RCC1: variants seen among roughly 807,000 people sequenced by gnomAD.
RCC1 encodes regulator of chromosome condensation.
RCC1 carries 11 observed loss-of-function variants against 44.4 expected under a neutral mutation model. The ratio of observed to expected loss-of-function variants is 0.25; its 90% CI spans 0.16 to 0.41. RCC1 has a LOEUF of 0.41. Ranked by LOEUF, RCC1 falls within the 10% of genes least tolerant of loss-of-function variation. RCC1 has a pLI of 1.00. For synonymous variants in RCC1, 213 were observed against 216.5 expected, an observed-to-expected ratio of 0.98 and a Z score of 0.14; for missense variants, 386 against 547.1, an observed-to-expected ratio of 0.71 and a Z score of 2.94.
intron 3 of RCC1, among the ~76,000 whole-genome samples, chr1:28,515,815 G>C (rs904451924): frequency 6.6e-6 from 1 of 152,184 alleles, no homozygotes; most frequent in Non-Finnish European, 1.5e-5. Context: ...GGGAGGCCAA[G>C]ATGGGCAGGT....
At chr1:28,509,183 GC>G in intron 3 of RCC1, 1 of 303,456 alleles carries the variant, frequency 3.3e-6, no homozygotes, top group Non-Finnish European at 6.4e-6. Flanking sequence ...TTGGCATTTA[GC>G]TAGGAATGCA....
At chr1:28,514,686 G>A (rs1445437032) in intron 3 of RCC1, among the ~76,000 whole-genome samples, 5 of 150,902 alleles carry the variant, frequency 3.3e-5, no homozygotes, top group Non-Finnish European at 7.4e-5. Flanking sequence ...GCTTGAACCT[G>A]GGAGGCAGAG....
At chr1:28,511,205 C>A (rs74064871) in intron 3 of RCC1, among the ~76,000 whole-genome samples, 123 of 152,208 alleles carry the variant, frequency 8.1e-4, no homozygotes, top group African/African-American at 2.9e-3. Flanking sequence ...AGTTACTCAG[C>A]CCCTCTGCCT....
chr1:28,531,462 G>A (rs1317715834), intron 5 of RCC1, among the ~76,000 whole-genome samples: 2 of 151,630 alleles, frequency 1.3e-5, no homozygotes, highest in Non-Finnish European at 2.9e-5. Flanking sequence ...TGATCCGCCC[G>A]CCTTGGCCTC....
chr1:28,507,679 T>A, intron 1 of RCC1: 1 of 379,800 alleles, frequency 2.6e-6, no homozygotes, highest in Non-Finnish European at 5.1e-6. Flanking sequence ...CCATTGCCTC[T>A]GCCTCCCGGG....
At chr1:28,511,822 G>A (rs558451947) in intron 3 of RCC1, among the ~76,000 whole-genome samples, 8 of 151,502 alleles carry the variant, frequency 5.3e-5, no homozygotes, top group South Asian at 2.1e-4. Context: ...CACCATGCCC[G>A]GCTAATTTTT....
intron 3 of RCC1, chr1:28,509,260 T>A (rs925425693): frequency 4.2e-6 from 1 of 238,626 alleles, no homozygotes; most frequent in African/African-American, 2.3e-5. Context: ...GAAGGCACAC[T>A]GTGTTGGTGG....
intron 4 of RCC1, chr1:28,526,789 A>G: frequency 1.8e-6 from 1 of 560,166 alleles, no homozygotes; most frequent in Admixed American, 3.3e-5. Flanking sequence ...CCAGGTACTC[A>G]GGAGGCTGAG....
chr1:28,532,436 C>T (rs1181248288), intron 7 of RCC1, 86 bp downstream of exon 7: 5 of 1,428,364 alleles, frequency 3.5e-6, no homozygotes, highest in Non-Finnish European at 4.8e-6. Flanking sequence ...TCCATGCCCC[C>T]ATGGTACTTA....
chr1:28,521,424 C>T (rs2124630755), intron 4 of RCC1, among the ~76,000 whole-genome samples: 1 of 150,178 alleles, frequency 6.7e-6, no homozygotes, highest in South Asian at 2.1e-4. Flanking sequence ...TGGCGTGAAC[C>T]TGGGAGGCGG....
chr1:28,508,233 A>G (rs1662184382), intron 2 of RCC1, 73 bp downstream of exon 2: 1 of 405,940 alleles, frequency 2.5e-6, no homozygotes, highest in Non-Finnish European at 5.1e-6. Flanking sequence ...AATAGGATTG[A>G]AGAGACTTTT....
At chr1:28,514,450 AAAAAAAAAAC>A (rs905187648) in intron 3 of RCC1, among the ~76,000 whole-genome samples, 9 of 61,486 alleles carry the variant, frequency 1.5e-4, no homozygotes, top group African/African-American at 6.2e-4. Flanking sequence ...ACTCCGTCTC[AAAAAAAAAAC>A]AAAAAAAAAA....
At chr1:28,506,366 G>A (rs1271551630) in intron 1 of RCC1, 1 of 387,724 alleles carries the variant, frequency 2.6e-6, no homozygotes. Context: ...TGTATTCTTA[G>A]TGGAGACGGG....
intron 3 of RCC1, chr1:28,509,501 A>G (rs1662333809): frequency 6.5e-6 from 1 of 153,276 alleles, no homozygotes; most frequent in Non-Finnish European, 1.5e-5. Context: ...AGCCTCCTAA[A>G]GTGCTGGGAT....
rs774290885 is a variant in RCC1, at chr1:28,508,717, G to T, written c.-228-113G>T. The T allele has an allele frequency of 1.2e-4, 61 of 518,838 alleles. No homozygotes were observed. The Admixed American group carries it at 1.2e-3, about 10-fold the overall frequency. 32.1% of individuals were successfully genotyped at this position (518,838 alleles called of 1,614,324 possible). A position where few individuals can be genotyped will look rare whatever the true frequency, so the allele number is the denominator to read the frequency against. ...CTGCATATTCCTACAGCTTCCCAGAGTCCTGTGGACAATGACTGGGGAGAC... is the reference window on the plus strand; with the variant it reads ...CTGCATATTCCTACAGCTTCCCAGATTCCTGTGGACAATGACTGGGGAGAC... On this transcript the variant is annotated intron_variant, in intron 2 of 12. Coordinates refer to ENST00000683442, the MANE Select transcript of RCC1 (RefSeq NM_001381865.2).
intron 3 of RCC1, among the ~76,000 whole-genome samples, chr1:28,514,528 G>A (rs1662768433): frequency 1.3e-5 from 2 of 150,932 alleles, no homozygotes; most frequent in African/African-American, 4.9e-5. Flanking sequence ...TTGGGAGGCT[G>A]AGACTGGCGG....
intron 3 of RCC1, among the ~76,000 whole-genome samples, chr1:28,513,457 A>G (rs1159766863): frequency 6.6e-6 from 1 of 152,184 alleles, no homozygotes; most frequent in East Asian, 1.9e-4. Context: ...GACCTCCCAA[A>G]GTGCTAGAAT....
Position 28,532,280 on chromosome 1 carries a change from T to C in RCC1, c.371T>C (p.Val124Ala). ...GAGCTGCAAGAGAAGGTGGTACAGG[T>C]GTCAGCAGGAGACAGTCACACAGCA... ...KVELQEKVVQVSAGDSHTAAL... is the reference protein window; with the variant it reads ...KVELQEKVVQASAGDSHTAAL... The change falls in exon 7 of 13, where the codon GTG becomes GCG. Residue 124 changes from valine (V) to alanine (A), a missense_variant. Transcript: ENST00000683442. 6.2e-7 allele frequency: 1 copy of C among 1,614,048 alleles called. No homozygotes were observed. Among genetic ancestry groups the C allele is most frequent in the South Asian group, 1.1e-5 (1 of 91,080 alleles).
rs1158707950 is a variant in RCC1, at chr1:28,535,269, T to C, written c.550T>C (p.Leu184=). 8 of 1,614,172 alleles carry C rather than the reference T, an allele frequency of 5.0e-6. No homozygotes were observed. The highest frequency in any genetic ancestry group is 1.6e-4 in the Middle Eastern group (1 of 6,062). Residue 184 remains leucine (L), a synonymous_variant, in exon 9 of 13, where the codon TTG becomes CTG. Coordinates refer to ENST00000683442, the MANE Select transcript of RCC1 (RefSeq NM_001381865.2). Reference sequence around the variant, plus strand: ...CTTTTCATCCTTAGGAAACGACCACTTGGTGATGCTGACAGCTGATGGTGA... The same window carrying C: ...CTTTTCATCCTTAGGAAACGACCACCTGGTGATGCTGACAGCTGATGGTGA... ...VVKVASGNDH[L]VMLTADGDLY... is the part of the protein sequence containing the mutation.
Sources: gnomAD v4.1 joint callset for allele counts (sites outside exome capture counted in the v4.1 genomes callset) on GRCh38, gnomAD v4.1.1 for gene constraint, MANE v1.5 for transcripts, NCBI Gene and HGNC (gene_info 2026-07-23, HGNC 2026-07-21) for gene names.